RELT: variants seen among roughly 807,000 people sequenced by gnomAD.
RELT encodes tumor necrosis factor receptor superfamily member 19L.
In RELT, 37 loss-of-function variants were observed where a neutral mutation model predicts 51.1. The ratio of observed to expected loss-of-function variants is 0.72; its 90% CI spans 0.56 to 0.95. The LOEUF (loss-of-function observed/expected upper bound fraction) is 0.95. Among genes scored for constraint, RELT ranks in the 40% least tolerant of loss-of-function variants. The pLI, the probability that RELT is intolerant of heterozygous loss-of-function variation, is 0.00. For synonymous variants in RELT, 241 were observed against 235.7 expected (o/e 1.02, Z -0.21); for missense variants, 535 against 572.6 (o/e 0.93, Z 0.67).
At chr11:73,377,386 GGAGCCAGGA>G (rs1247733699) in intron 1 of RELT, among the ~76,000 whole-genome samples, 1 of 151,990 alleles carries the variant, frequency 6.6e-6, no homozygotes, top group Non-Finnish European at 1.5e-5. Flanking sequence ...AGGAAGTTGG[GGAGCCAGGA>G]GACAAGGGTC....
In RELT at chr11:73,388,397, T is replaced by G. The variant is rs919718040; in HGVS notation, c.-25-715T>G. Among the ~76,000 whole-genome samples, 4 of 152,172 alleles carry G rather than the reference T, an allele frequency of 2.6e-5. No homozygotes were observed. The highest frequency in any genetic ancestry group is 6.5e-5 in the Admixed American group (1 of 15,290). ...CGTGACCACCCCAGCCCCATAGGTC[T>G]GCCAGGGGAAGAGCTGTGGCCAGAC... On this transcript the variant is annotated intron_variant, in intron 1 of 10. Coordinates refer to ENST00000064780, the MANE Select transcript of RELT (RefSeq NM_152222.2). This position sits in a 1 kb window ranked among gnomAD's most constrained non-coding sequence, Gnocchi z 4.1.
chr11:73,395,798 A>G lies in RELT; in HGVS notation c.*307A>G. 4.1e-6 allele frequency: 2 copies of G among 486,508 alleles called. No individual in the cohort carries two copies. The highest frequency in any genetic ancestry group is 5.1e-5 in the South Asian group (2 of 39,596). The allele number at this position is 486,508 out of a possible 1,614,324, so 30.1% of individuals were successfully genotyped here. A position where few individuals can be genotyped will look rare whatever the true frequency, so the allele number is the denominator to read the frequency against. On this transcript the variant is annotated 3_prime_UTR_variant, in exon 11 of 11. Coordinates refer to ENST00000064780, the MANE Select transcript of RELT (RefSeq NM_152222.2). The stretch of plus-strand genomic sequence containing the variant: ...CCTAGGAGCCCACGGGATTCTCTGT[A>G]TCATCAGAGGCTGGGCTTGGCAGAG...
intron 4 of RELT, 106 bp from the exon 5 acceptor site, chr11:73,391,038 A>G: frequency 6.6e-7 from 1 of 1,523,040 alleles, no homozygotes; most frequent in Non-Finnish European, 9.0e-7. Flanking sequence ...GTGAAATGGG[A>G]TGGGGCAGGA....
chr11:73,393,842 A>T lies in RELT; in HGVS notation c.631A>T (p.Asn211Tyr). 1.2e-6 allele frequency: 2 copies of T among 1,613,980 alleles called. No individual in the cohort carries two copies. Among genetic ancestry groups the T allele is most frequent in the Non-Finnish European group, 1.7e-6 (2 of 1,179,936 alleles). ...AGGGCCCTTCTCTTCCCCAGGAATC[A>T]ACCCTGCCTACCGGACTGAGGATGC... ...PGPGGGGSGI[N>Y]PAYRTEDANE... Residue 211 changes from asparagine to tyrosine, a missense_variant, in exon 7 of 11, where the codon AAC (asparagine) becomes TAC (tyrosine). Asn to Tyr is a moderately radical substitution (Grantham distance 143). Coordinates refer to ENST00000064780, the MANE Select transcript of RELT (RefSeq NM_152222.2).
Position 73,393,461 on chromosome 11 carries a change from G to A in RELT, c.626-376G>A, listed in dbSNP as rs972686925. 7.5e-6 allele frequency: 9 copies of A among 1,206,392 alleles called. No individual in the cohort carries two copies. The Admixed American group carries it at 2.1e-4, about 29-fold the overall frequency. The allele number at this position is 1,206,392 out of a possible 1,614,324, so 74.7% of individuals were successfully genotyped here. On this transcript the variant is annotated intron_variant, in intron 6 of 10. Coordinates refer to ENST00000064780, the MANE Select transcript of RELT (RefSeq NM_152222.2). Reference sequence around the variant, plus strand: ...AGAGGCCATGGAATAGCAGTTTGCTGTAGATTTGGGGAGTTCTGGGTAGGG... The same window carrying A: ...AGAGGCCATGGAATAGCAGTTTGCTATAGATTTGGGGAGTTCTGGGTAGGG...
At chr11:73,382,571 G>C (rs936684362) in intron 1 of RELT, among the ~76,000 whole-genome samples, 1 of 152,326 alleles carries the variant, frequency 6.6e-6, no homozygotes, top group African/African-American at 2.4e-5. Context: ...AAGCAGTGGA[G>C]ATACCAGGCC....
rs759744843 is a variant in RELT, at chr11:73,392,284, T to C, written c.441T>C (p.Pro147=). Residue 147 remains proline, a synonymous_variant, in exon 6 of 11, where the codon CCT becomes CCC. Transcript: ENST00000064780. ...GCAGCGGTGGTGAGACACGGCAGCC[T>C]GGGAACGGCACCCGGGCAGGTGGCC... ...GASSGGETRQ[P]GNGTRAGGPE... is the part of the protein sequence containing the mutation. 1 of 1,613,052 alleles carries C rather than the reference T, an allele frequency of 6.2e-7. No individual in the cohort carries two copies. The highest frequency in any genetic ancestry group is 8.5e-7 in the Non-Finnish European group (1 of 1,179,816).
chr11:73,389,033 C>G (rs1866168748), intron 1 of RELT, 79 bp from the exon 2 acceptor site: 5 of 762,508 alleles, frequency 6.6e-6, no homozygotes, highest in African/African-American at 1.7e-5. Flanking sequence ...GTCCTGTCAT[C>G]CTGGAAGTGG....
At position 73,395,300 on chromosome 11, in the gene RELT, G is replaced by A. The variant is rs890846588; in HGVS notation, c.1245+15G>A. ...ACAAGGCCGAGGTGAGAGTCAAGGA[G>A]AAAGGCATCTGTTGGCACCTGGGCC... On this transcript the variant is annotated intron_variant, in intron 10 of 10. Transcript: ENST00000064780. The A allele has an allele frequency of 1.9e-6, 3 of 1,612,058 alleles. No homozygotes were observed. The highest frequency in any genetic ancestry group is 4.5e-5 in the East Asian group (2 of 44,856).
At chr11:73,387,938 C>A (rs1364313953) in intron 1 of RELT, among the ~76,000 whole-genome samples, 1 of 152,178 alleles carries the variant, frequency 6.6e-6, no homozygotes, top group Non-Finnish European at 1.5e-5. Flanking sequence ...CTGAAGAGCA[C>A]GGCTTTCCTC....
Position 73,390,872 on chromosome 11 carries a change from C to T in RELT, c.238C>T (p.Gln80Ter), listed in dbSNP as rs1565222283. ...CAGCCTTTGGAGGAGGCTGGAGGCCCAGGTGGGCATGGCAACTCGAGATAC... is the reference window on the plus strand; with the variant it reads ...CAGCCTTTGGAGGAGGCTGGAGGCCTAGGTGGGCATGGCAACTCGAGATAC... ...RCSLWRRLEA[Q>*]VGMATRDTLC... The change falls in exon 4 of 11, where the codon CAG (glutamine) becomes TAG (stop). Residue 80 changes from glutamine to a stop codon, truncating the protein, a stop_gained. Transcript: ENST00000064780. LOFTEE classifies it high-confidence loss of function. 3 of 1,613,212 alleles carry T rather than the reference C, an allele frequency of 1.9e-6. No individual in the cohort carries two copies. Among genetic ancestry groups the T allele is most frequent in the Non-Finnish European group, 2.5e-6 (3 of 1,179,896 alleles).
At chr11:73,379,096 A>G (rs1236372753) in intron 1 of RELT, among the ~76,000 whole-genome samples, 1 of 152,140 alleles carries the variant, frequency 6.6e-6, no homozygotes, top group Non-Finnish European at 1.5e-5. Context: ...TTGGCCAAGA[A>G]CTGGAACTGG....
intron 6 of RELT, 21 bp downstream of exon 6, chr11:73,392,489 A>C (rs1866234785): frequency 6.2e-7 from 1 of 1,605,386 alleles, no homozygotes; most frequent in Non-Finnish European, 8.5e-7. Flanking sequence ...GCTGGGGTCC[A>C]GGTGGGAAGG....
rs760654362 is a variant in RELT at position 73,390,567 on chromosome 11, T to C, written c.62T>C (p.Leu21Pro). The C allele has an allele frequency of 6.2e-7, 1 of 1,614,058 alleles. No homozygotes were observed. Among genetic ancestry groups the C allele is most frequent in the Non-Finnish European group, 8.5e-7 (1 of 1,179,988 alleles). Residue 21 changes from leucine to proline, a missense_variant, in exon 3 of 11, where the codon CTC becomes CCC. Coordinates refer to ENST00000064780, the MANE Select transcript of RELT (RefSeq NM_152222.2). ...TTCTTCTAGCTGCTGCCCTGGCCTC[T>C]CGCCACCCTGACATCAACAACCCTT... ...SCFLMLLPWP[L>P]ATLTSTTLWQ... is the part of the protein sequence containing the mutation.
Position 73,394,966 on chromosome 11 carries a change from C to A in RELT, c.1047-121C>A. The A allele has an allele frequency of 2.0e-6, 2 of 994,596 alleles. No individual in the cohort carries two copies. Among genetic ancestry groups the A allele is most frequent in the Non-Finnish European group, 1.5e-6 (1 of 664,258 alleles). The allele number at this position is 994,596 out of a possible 1,614,324, so 61.6% of individuals were successfully genotyped here. On this transcript the variant is annotated intron_variant, in intron 9 of 10. Coordinates refer to ENST00000064780, the MANE Select transcript of RELT (RefSeq NM_152222.2). The surrounding 1 kb of genome is among the most constrained non-coding windows in gnomAD (Gnocchi z 4.9). Reference sequence around the variant, plus strand: ...GGGCAGCATCTTGGCCCCCATGGCACCCGGGCCTCTCAGGCTAAGGCTCTG... The same window carrying A: ...GGGCAGCATCTTGGCCCCCATGGCAACCGGGCCTCTCAGGCTAAGGCTCTG...
chr11:73,392,988 G>A, intron 6 of RELT: 1 of 1,005,360 alleles, frequency 9.9e-7, no homozygotes, highest in South Asian at 4.2e-5. Flanking sequence ...CAGGGCCCCG[G>A]GCCCCTTTCC....
chr11:73,394,529 C>G lies in RELT; in HGVS notation c.841C>G (p.Leu281Val). ...VPHICPHRHH[L>V]HTVQGLASLS... is the part of the protein sequence containing the mutation. ...ACACATCTGCCCGCACCGCCACCAT[C>G]TCCACACCGTGCAGGGCCTGGCCTC... Residue 281 changes from leucine to valine, a missense_variant, in exon 9 of 11, where the codon CTC becomes GTC. Leu to Val is a conservative substitution (Grantham distance 32). Transcript: ENST00000064780. The surrounding 1 kb of genome is among the most constrained non-coding windows in gnomAD (Gnocchi z 4.9). 1.9e-6 allele frequency: 3 copies of G among 1,611,446 alleles called. No homozygotes were observed. The South Asian group carries it at 3.3e-5, about 18-fold the overall frequency.
intron 1 of RELT, among the ~76,000 whole-genome samples, chr11:73,380,157 C>T (rs147468120): frequency 1.3e-5 from 2 of 152,298 alleles, no homozygotes; most frequent in African/African-American, 2.4e-5. Context: ...GTGGGGCCAG[C>T]GTGGCCAGTA....
At chr11:73,391,007 C>G in intron 4 of RELT, 86 bp downstream of exon 4, 1 of 1,548,330 alleles carries the variant, frequency 6.5e-7, no homozygotes, top group South Asian at 1.1e-5. Context: ...GTACCCTGAG[C>G]AGGCCTCATT....
Sources: gnomAD v4.1 joint callset for allele counts (sites outside exome capture counted in the v4.1 genomes callset) on GRCh38, gnomAD v4.1.1 for gene constraint, Gnocchi (gnomAD v3.1) non-coding constraint, MANE v1.5 for transcripts, NCBI Gene and HGNC (gene_info 2026-07-23, HGNC 2026-07-21) for gene names.